RALYL: variants seen among roughly 807,000 people sequenced by gnomAD.
RALYL encodes RNA-binding Raly-like protein.
Under a neutral mutation model 35.1 loss-of-function variants are expected in RALYL, and 29 were observed. That is an observed-to-expected ratio of 0.83 (90% CI 0.61 to 1.13). The LOEUF (loss-of-function observed/expected upper bound fraction) is 1.13. RALYL is among the 50% of genes most tolerant of loss of function. RALYL has a pLI of 0.00. For synonymous variants in RALYL, 120 were observed against 127.6 expected, an observed-to-expected ratio of 0.94 and a Z score of 0.40; for missense variants, 359 against 360.4, an observed-to-expected ratio of 1.00 and a Z score of 0.03.
chr8:84,792,648 A>G (rs1418244075), intron 3 of RALYL, among the ~76,000 whole-genome samples: 9 of 152,142 alleles, frequency 5.9e-5, no homozygotes, highest in Non-Finnish European at 1.3e-4. Context: ...TGTTCTGTCC[A>G]TATCAACAGC....
chr8:84,689,144 T>C (rs571441787), intron 2 of RALYL, among the ~76,000 whole-genome samples: 1 of 152,056 alleles, frequency 6.6e-6, no homozygotes, highest in Non-Finnish European at 1.5e-5. Context: ...TAGTTACATA[T>C]GTATACATGT....
At chr8:84,326,852 C>T (rs557825696) in intron 1 of RALYL, among the ~76,000 whole-genome samples, 3 of 152,196 alleles carry the variant, frequency 2.0e-5, no homozygotes, top group African/African-American at 7.2e-5. Context: ...TCTCATGGGA[C>T]AAAACTTATC....
intron 2 of RALYL, among the ~76,000 whole-genome samples, chr8:84,592,005 C>A (rs997073101): frequency 3.9e-5 from 6 of 152,032 alleles, no homozygotes. Context: ...TACTATAGCT[C>A]TTTTATATTT....
chr8:84,528,127 A>G (rs992138049), intron 1 of RALYL, among the ~76,000 whole-genome samples: 3 of 152,150 alleles, frequency 2.0e-5, no homozygotes, highest in Non-Finnish European at 4.4e-5. Flanking sequence ...AGATGCACTT[A>G]TTTTTGTAGC....
intron 1 of RALYL, among the ~76,000 whole-genome samples, chr8:84,499,554 T>C (rs2056443566): frequency 6.6e-6 from 1 of 152,150 alleles, no homozygotes; most frequent in Non-Finnish European, 1.5e-5. Flanking sequence ...AGACCTGTTA[T>C]ATAATGTACT....
At chr8:84,291,607 A>T (rs1307321424) in intron 1 of RALYL, among the ~76,000 whole-genome samples, 1 of 152,104 alleles carries the variant, frequency 6.6e-6, no homozygotes, top group Non-Finnish European at 1.5e-5. Flanking sequence ...TTTATTCCTG[A>T]TGAGAATAAT....
intron 2 of RALYL, among the ~76,000 whole-genome samples, chr8:84,674,637 G>A (rs529014165): frequency 3.9e-4 from 60 of 152,178 alleles, no homozygotes; most frequent in Non-Finnish European, 7.2e-4. Flanking sequence ...TACTTCAAAG[G>A]TAATTCTTTT....
intron 1 of RALYL, among the ~76,000 whole-genome samples, chr8:84,281,621 A>C (rs1377752670): frequency 6.6e-6 from 1 of 152,160 alleles, no homozygotes; most frequent in East Asian, 1.9e-4. Context: ...AGCAGAAGCT[A>C]GTCTTCCCCA....
intron 1 of RALYL, among the ~76,000 whole-genome samples, chr8:84,247,029 C>T (rs1432434059): frequency 6.6e-6 from 1 of 152,080 alleles, no homozygotes; most frequent in African/African-American, 2.4e-5. Context: ...AGTGCATATA[C>T]CTGTAACATA....
chr8:84,641,789 A>T (rs866439800), intron 2 of RALYL, among the ~76,000 whole-genome samples: 1 of 57,530 alleles, frequency 1.7e-5, no homozygotes, highest in Non-Finnish European at 3.3e-5. Flanking sequence ...TCTTATTTGT[A>T]AAAAAAAAAA....
At chr8:84,532,162 A>C (rs958803342) in intron 2 of RALYL, among the ~76,000 whole-genome samples, 1 of 152,060 alleles carries the variant, frequency 6.6e-6, no homozygotes, top group African/African-American at 2.4e-5. Context: ...AAGCAAGTAC[A>C]TTAAAATTTA....
At chr8:84,527,281 G>A (rs1564088905) in intron 1 of RALYL, among the ~76,000 whole-genome samples, 1 of 152,154 alleles carries the variant, frequency 6.6e-6, no homozygotes, top group Non-Finnish European at 1.5e-5. Flanking sequence ...ACAGAGCAGA[G>A]TCCAAGATAG....
chr8:84,704,514 A>G (rs1046821179), intron 2 of RALYL, among the ~76,000 whole-genome samples: 11 of 151,744 alleles, frequency 7.2e-5, no homozygotes, highest in Non-Finnish European at 2.9e-5. Context: ...ATGTTTATTA[A>G]GAGCCTACTT....
intron 3 of RALYL, among the ~76,000 whole-genome samples, chr8:84,802,685 G>C (rs1456396304): frequency 6.6e-6 from 1 of 152,126 alleles, no homozygotes; most frequent in Non-Finnish European, 1.5e-5. Flanking sequence ...AATTGCAGAG[G>C]GAAAATCAAA....
chr8:84,377,882 T>A (rs1399558648), intron 1 of RALYL, among the ~76,000 whole-genome samples: 1 of 151,836 alleles, frequency 6.6e-6, no homozygotes, highest in Non-Finnish European at 1.5e-5. Context: ...TTATCAATAT[T>A]AATAGAGTTG....
intron 2 of RALYL, among the ~76,000 whole-genome samples, chr8:84,561,046 A>G (rs1469629597): frequency 2.6e-5 from 4 of 152,064 alleles, no homozygotes; most frequent in African/African-American, 9.7e-5. Context: ...GTCTTCACTC[A>G]TTAAGTTTTA....
intron 2 of RALYL, among the ~76,000 whole-genome samples, chr8:84,677,281 A>C (rs1834411393): frequency 6.6e-6 from 1 of 152,214 alleles, no homozygotes; most frequent in East Asian, 1.9e-4. Context: ...TAGACCAATA[A>C]AAAGTTAAAA....
At chr8:84,560,109 A>G (rs2135568400) in intron 2 of RALYL, among the ~76,000 whole-genome samples, 1 of 152,056 alleles carries the variant, frequency 6.6e-6, no homozygotes, top group South Asian at 2.1e-4. Context: ...GAAATGATAA[A>G]TCTAAAGTAA....
At chr8:84,700,666 G>A (rs1390730451) in intron 2 of RALYL, among the ~76,000 whole-genome samples, 1 of 152,104 alleles carries the variant, frequency 6.6e-6, no homozygotes, top group Non-Finnish European at 1.5e-5. Flanking sequence ...GTAAAATGAG[G>A]TGTTGAATGA....
Sources: allele counts gnomAD v4.1 joint callset (sites outside exome capture counted in the v4.1 genomes callset), GRCh38; gene constraint gnomAD v4.1.1; transcripts MANE v1.5; gene names NCBI Gene and HGNC (gene_info 2026-07-23, HGNC 2026-07-21).